Variants in RAD54B observed in about 807,000 individuals in gnomAD.
The protein encoded by RAD54B is DNA repair and recombination protein RAD54B.
In RAD54B, 78 loss-of-function variants were observed where a neutral mutation model predicts 95.8. That is an observed-to-expected ratio of 0.81 (90% CI 0.68 to 0.98). RAD54B has a LOEUF of 0.98. Ranked by LOEUF, RAD54B falls within the 50% of genes least tolerant of loss-of-function variation. The pLI, the probability that RAD54B is intolerant of heterozygous loss-of-function variation, is 0.00. For missense variants in RAD54B, 957 were observed against 1,056.6 expected (o/e 0.91, Z 1.31); for synonymous variants, 328 against 354.9 (o/e 0.92, Z 0.85).
At chr8:94,444,894 T>C (rs924081232) in intron 3 of RAD54B, among the ~76,000 whole-genome samples, 1 of 152,168 alleles carries the variant, frequency 6.6e-6, no homozygotes, top group Non-Finnish European at 1.5e-5. Context: ...TGAAATGTAA[T>C]CATCAGGAAG....
chr8:94,468,725 A>G (rs922912444), intron 1 of RAD54B, among the ~76,000 whole-genome samples: 55 of 152,150 alleles, frequency 3.6e-4, no homozygotes, highest in African/African-American at 1.3e-3. Flanking sequence ...GCTACTCTGG[A>G]AGCTGAGGCA....
intron 5 of RAD54B, among the ~76,000 whole-genome samples, chr8:94,406,785 T>C (rs1362292292): frequency 6.6e-6 from 1 of 152,178 alleles, no homozygotes; most frequent in Non-Finnish European, 1.5e-5. Context: ...TCGGATTACT[T>C]GTCCTTCCCC....
chr8:94,393,799 A>C lies in RAD54B; in HGVS notation c.1462T>G (p.Tyr488Asp). The change falls in exon 9 of 15, where the codon TAT becomes GAT. Residue 488 changes from tyrosine to aspartate, a missense_variant. Transcript: ENST00000336148. ...ATGGGTTCTTCATATATTTTCCTAT[A>C]AGATGACAAAGAGCCTAATATTCCT... Reference protein sequence around the residue: ...NPGILGSLSSYRKIYEEPIIL... With the variant: ...NPGILGSLSSDRKIYEEPIIL... 1 of 1,583,508 alleles carries C rather than the reference A, an allele frequency of 6.3e-7. No individual in the cohort carries two copies. The highest frequency in any genetic ancestry group is 8.7e-7 in the Non-Finnish European group (1 of 1,153,808).
chr8:94,442,302 G>A (rs542906323), intron 3 of RAD54B, among the ~76,000 whole-genome samples: 2 of 152,206 alleles, frequency 1.3e-5, no homozygotes, highest in South Asian at 2.1e-4. Flanking sequence ...AGCTGGGCAC[G>A]GTGGCTCACG....
At chr8:94,398,327 T>C (rs566800265) in intron 8 of RAD54B, among the ~76,000 whole-genome samples, 17 of 152,194 alleles carry the variant, frequency 1.1e-4, no homozygotes, top group Admixed American at 3.3e-4. Flanking sequence ...CCTATACAAA[T>C]TGGAAGTCAA....
In RAD54B at chr8:94,378,892, A is replaced by T. The variant is rs77279495; in HGVS notation, c.2248-258T>A. ...TGCAAGAGTGAGAGAATAGATCTTCATCAATGGGACAGTGAGTATGGACAG... is the reference window on the plus strand; with the variant it reads ...TGCAAGAGTGAGAGAATAGATCTTCTTCAATGGGACAGTGAGTATGGACAG... On this transcript the variant is annotated intron_variant, in intron 12 of 14. Coordinates refer to ENST00000336148, the MANE Select transcript of RAD54B (RefSeq NM_012415.3). Among the ~76,000 whole-genome samples, 402 of 152,326 alleles carry T rather than the reference A, an allele frequency of 2.6e-3. 1 individual carries two copies. Among genetic ancestry groups the T allele is most frequent in the Non-Finnish European group, 4.4e-3 (299 of 68,026 alleles).
intron 8 of RAD54B, among the ~76,000 whole-genome samples, chr8:94,398,561 A>C (rs1811197253): frequency 6.6e-6 from 1 of 152,140 alleles, no homozygotes; most frequent in East Asian, 1.9e-4. Context: ...ACGATGACAC[A>C]GTAAGAATAA....
Position 94,376,896 on chromosome 8 carries a change from TTA to T in RAD54B, c.2515+1282_2515+1283del, listed in dbSNP as rs529359595. Among the ~76,000 whole-genome samples the T allele has an allele frequency of 1.8e-3, 277 of 151,816 alleles. 1 individual carries two copies. Among genetic ancestry groups the T allele is most frequent in the African/African-American group, 6.2e-3 (256 of 41,496 alleles). On this transcript the variant is annotated intron_variant, in intron 14 of 14. Coordinates refer to ENST00000336148, the MANE Select transcript of RAD54B (RefSeq NM_012415.3). The stretch of plus-strand genomic sequence containing the variant: ...AGAGAAACATTTATATAAAATATAT[TTA>T]TGTTTATATAAAATCTAAATTCTTC...
intron 3 of RAD54B, among the ~76,000 whole-genome samples, chr8:94,426,235 G>A (rs7463867): frequency 6.6e-6 from 1 of 150,550 alleles, no homozygotes; most frequent in Non-Finnish European, 1.5e-5. Flanking sequence ...TGACAGGTGT[G>A]AGCCACTGTG....
intron 3 of RAD54B, among the ~76,000 whole-genome samples, chr8:94,447,211 T>C (rs969960976): frequency 6.6e-6 from 1 of 152,168 alleles, no homozygotes; most frequent in South Asian, 2.1e-4. Flanking sequence ...CCATGCTACA[T>C]GAATCACAGA....
At chr8:94,458,705 A>T (rs1812833586) in intron 2 of RAD54B, among the ~76,000 whole-genome samples, 1 of 152,102 alleles carries the variant, frequency 6.6e-6, no homozygotes. Context: ...TGTCTCTACT[A>T]AAAATATAAA....
chr8:94,425,410 T>C (rs1241758713), intron 3 of RAD54B, among the ~76,000 whole-genome samples: 1 of 151,976 alleles, frequency 6.6e-6, no homozygotes, highest in Non-Finnish European at 1.5e-5. Flanking sequence ...ATGGCACAAA[T>C]GAAAATTTAA....
At chr8:94,442,247 G>A (rs1812413696) in intron 3 of RAD54B, among the ~76,000 whole-genome samples, 2 of 152,146 alleles carry the variant, frequency 1.3e-5, no homozygotes, top group Admixed American at 1.3e-4. Flanking sequence ...AAGGAGAGGT[G>A]GGGATTAAGA....
At chr8:94,427,440 G>A (rs536418675) in intron 3 of RAD54B, among the ~76,000 whole-genome samples, 1 of 152,004 alleles carries the variant, frequency 6.6e-6, no homozygotes, top group Admixed American at 6.5e-5. Context: ...CATATTCTAA[G>A]AACTTACTCT....
chr8:94,407,771 C>A, intron 4 of RAD54B, 51 bp from the exon 5 acceptor site: 2 of 1,499,014 alleles, frequency 1.3e-6, no homozygotes, highest in South Asian at 2.5e-5. Context: ...ATACCACGGT[C>A]ACCTTCCCGT....
chr8:94,462,678 A>C (rs1235969455), intron 2 of RAD54B, among the ~76,000 whole-genome samples: 2 of 152,212 alleles, frequency 1.3e-5, no homozygotes, highest in Non-Finnish European at 2.9e-5. Flanking sequence ...TAACAGACAA[A>C]GTAAAAAGAC....
chr8:94,431,870 C>T (rs1017830741), intron 3 of RAD54B: 2 of 1,129,988 alleles, frequency 1.8e-6, no homozygotes, highest in Non-Finnish European at 2.2e-6. Context: ...TCTTAGTGAT[C>T]AGAATAAAAT....
intron 14 of RAD54B, among the ~76,000 whole-genome samples, chr8:94,377,715 G>A (rs12679347): frequency 0.38 from 58,027 of 150,972 alleles, 11,335 homozygotes; most frequent in Admixed American, 0.5. Flanking sequence ...GGTGGCTCAC[G>A]CCTGTAATCC....
intron 3 of RAD54B, among the ~76,000 whole-genome samples, chr8:94,457,377 C>T (rs1812801835): frequency 6.6e-6 from 1 of 152,158 alleles, no homozygotes; most frequent in South Asian, 2.1e-4. Flanking sequence ...GTTCTGACAC[C>T]AGTCACAGCT....
Sources: allele counts gnomAD v4.1 joint callset (sites outside exome capture counted in the v4.1 genomes callset), GRCh38; gene constraint gnomAD v4.1.1; transcripts MANE v1.5; gene names NCBI Gene and HGNC (gene_info 2026-07-23, HGNC 2026-07-21).